Variants in TRHDE observed in about 807,000 individuals in gnomAD.
TRHDE encodes the protein thyrotropin-releasing hormone-degrading ectoenzyme.
In TRHDE, 72 loss-of-function variants were observed where a neutral mutation model predicts 125.7. The ratio of observed to expected loss-of-function variants is 0.57; its 90% confidence interval spans 0.47 to 0.70. The LOEUF (loss-of-function observed/expected upper bound fraction) is 0.70. Among genes scored for constraint, TRHDE ranks in the 30% least tolerant of loss-of-function variants. The pLI is 0.00. For synonymous variants in TRHDE, 509 were observed against 509.1 expected, an observed-to-expected ratio of 1.00 and a Z score of 0.00; for missense variants, 1,110 against 1,327.1, an observed-to-expected ratio of 0.84 and a Z score of 2.54.
At chr12:72,234,949 C>G (rs532598635) in intron 2 of TRHDE, among the ~76,000 whole-genome samples, 10 of 152,216 alleles carry the variant, frequency 6.6e-5, no homozygotes, top group African/African-American at 2.4e-4. Context: ...TAATATAATA[C>G]TGATAACTGC....
At chr12:72,102,879 C>T (rs1875101396) in intron 1 of TRHDE, among the ~76,000 whole-genome samples, 1 of 152,190 alleles carries the variant, frequency 6.6e-6, no homozygotes, top group South Asian at 2.1e-4. Flanking sequence ...GAGGCATTGT[C>T]ACAGCAGCAG....
chr12:72,650,749 A>G (rs1874474047), intron 15 of TRHDE, among the ~76,000 whole-genome samples: 1 of 152,038 alleles, frequency 6.6e-6, no homozygotes, highest in African/African-American at 2.4e-5. Context: ...GCAATAATGC[A>G]CTGTTGTGCT....
chr12:72,600,154 G>A (rs1388071003), intron 12 of TRHDE, among the ~76,000 whole-genome samples: 1 of 151,516 alleles, frequency 6.6e-6, no homozygotes. Flanking sequence ...ACTTAGATTT[G>A]GTCTTATAGT....
chr12:72,540,404 A>G (rs1196716049), intron 6 of TRHDE, among the ~76,000 whole-genome samples: 1 of 151,766 alleles, frequency 6.6e-6, no homozygotes, highest in African/African-American at 2.4e-5. Context: ...AAATTGGTAC[A>G]TTCTTTATGA....
chr12:72,362,186 A>C (rs1592389124), intron 2 of TRHDE, among the ~76,000 whole-genome samples: 1 of 140,380 alleles, frequency 7.1e-6, no homozygotes, highest in Non-Finnish European at 1.5e-5. Flanking sequence ...CCAACAGTGT[A>C]AAAGTGTTCC....
intron 5 of TRHDE, among the ~76,000 whole-genome samples, chr12:72,493,583 A>G (rs1005352515): frequency 1.3e-5 from 2 of 151,982 alleles, no homozygotes; most frequent in African/African-American, 4.8e-5. Context: ...TTATATCTCT[A>G]AATGTAGCCC....
At chr12:72,478,982 A>G (rs1485657830) in intron 5 of TRHDE, among the ~76,000 whole-genome samples, 1 of 151,348 alleles carries the variant, frequency 6.6e-6, no homozygotes, top group African/African-American at 2.4e-5. Flanking sequence ...TTACACTAAC[A>G]GGTTAAACTA....
intron 2 of TRHDE, among the ~76,000 whole-genome samples, chr12:72,266,574 T>G (rs1345796193): frequency 2.0e-5 from 3 of 151,482 alleles, no homozygotes; most frequent in Non-Finnish European, 4.4e-5. Context: ...ACGTAGCACT[T>G]ACCATGTGCT....
At chr12:72,339,625 C>T (rs1869989756) in intron 2 of TRHDE, among the ~76,000 whole-genome samples, 1 of 152,110 alleles carries the variant, frequency 6.6e-6, no homozygotes, top group South Asian at 2.1e-4. Flanking sequence ...TTTATTCCTT[C>T]TGCCTGAAAA....
chr12:72,603,689 C>T (rs1872304678), intron 12 of TRHDE, among the ~76,000 whole-genome samples: 1 of 152,050 alleles, frequency 6.6e-6, no homozygotes, highest in African/African-American at 2.4e-5. Context: ...TGCGCCACTG[C>T]ACTCCAGCCT....
At chr12:72,561,016 A>G (rs773518798) in intron 7 of TRHDE, among the ~76,000 whole-genome samples, 3 of 152,226 alleles carry the variant, frequency 2.0e-5, no homozygotes, top group Non-Finnish European at 4.4e-5. Flanking sequence ...ATTAGGATTC[A>G]GAATGGTTAT....
At chr12:72,117,710 C>T (rs1875480548) in intron 2 of TRHDE, among the ~76,000 whole-genome samples, 1 of 152,092 alleles carries the variant, frequency 6.6e-6, no homozygotes. Flanking sequence ...AATCTGTGAA[C>T]ATGAACTATC....
At chr12:72,422,647 A>G (rs1874008596) in intron 3 of TRHDE, among the ~76,000 whole-genome samples, 1 of 152,228 alleles carries the variant, frequency 6.6e-6, no homozygotes, top group Non-Finnish European at 1.5e-5. Context: ...CGCAAGAAAT[A>G]GTTGACTGTT....
intron 18 of TRHDE, 56 bp downstream of exon 18, chr12:72,657,064 G>A (rs1874735391): frequency 9.7e-6 from 11 of 1,134,534 alleles, no homozygotes; most frequent in Middle Eastern, 5.6e-4. Flanking sequence ...TTGAAATTAT[G>A]CATTTACTTC....
chr12:72,620,338 C>CAAAAAAAAA (rs3080963), intron 13 of TRHDE, among the ~76,000 whole-genome samples: 4 of 67,476 alleles, frequency 5.9e-5, no homozygotes, highest in Non-Finnish European at 1.4e-4. Flanking sequence ...CCCATCTCTA[C>CAAAAAAAAA]AAAAAAAAAA....
chr12:72,373,397 C>A (rs572974060), intron 2 of TRHDE, among the ~76,000 whole-genome samples: 7 of 152,026 alleles, frequency 4.6e-5, no homozygotes, highest in African/African-American at 1.4e-4. Flanking sequence ...TCTCCTGCCT[C>A]ATTGCCCTGG....
At chr12:72,440,649 G>A (rs1402958736) in intron 3 of TRHDE, among the ~76,000 whole-genome samples, 1 of 151,758 alleles carries the variant, frequency 6.6e-6, no homozygotes, top group African/African-American at 2.4e-5. Context: ...CAGTAACTGA[G>A]GTACAAAGAG....
chr12:72,182,107 G>A (rs1877106566), intron 2 of TRHDE, among the ~76,000 whole-genome samples: 1 of 152,106 alleles, frequency 6.6e-6, no homozygotes, highest in Non-Finnish European at 1.5e-5. Context: ...TGGTATTTTA[G>A]AGCCCTGAAA....
Position 72,286,872 on chromosome 12 carries a change from C to G in TRHDE, c.1106C>G (p.Thr369Ser). 1.9e-6 allele frequency: 3 copies of G among 1,613,838 alleles called. No individual in the cohort carries two copies. Among genetic ancestry groups the G allele is most frequent in the Non-Finnish European group, 1.7e-6 (2 of 1,179,946 alleles). ...TGGGTTACGGATCACTTTTCACAGA[C>G]CCCTCTCATGTCCACATATTATTTA... ...DGWVTDHFSQ[T>S]PLMSTYYLAW... Residue 369 changes from threonine to serine, a missense_variant, in exon 2 of 19, where the codon ACC (threonine) becomes AGC (serine). Coordinates refer to ENST00000261180, the MANE Select transcript of TRHDE (RefSeq NM_013381.3).
Sources: allele counts gnomAD v4.1 joint callset (sites outside exome capture counted in the v4.1 genomes callset), GRCh38; gene constraint gnomAD v4.1.1; transcripts MANE v1.5; gene names NCBI Gene and HGNC (gene_info 2026-07-23, HGNC 2026-07-21).